The following CDH12 variants were observed in gnomAD, a reference collection of about 807,000 sequenced individuals.
CDH12 encodes the protein cadherin-12.
CDH12 carries 41 observed loss-of-function variants against 74.1 expected under a neutral mutation model. The observed-to-expected ratio is 0.55, with a 90% CI of 0.43 to 0.72. CDH12 has a LOEUF of 0.72. Ranked by LOEUF, CDH12 falls within the 30% of genes least tolerant of loss-of-function variation. CDH12 has a pLI of 0.00. For missense variants in CDH12, 945 were observed against 977.2 expected (o/e 0.97, Z 0.44); for synonymous variants, 399 against 355.0 (o/e 1.12, Z -1.39).
intron 1 of CDH12, among the ~76,000 whole-genome samples, chr5:22,644,425 C>A (rs193229672): frequency 1.7e-3 from 257 of 152,080 alleles, no homozygotes; most frequent in African/African-American, 6.0e-3. Context: ...TTCTCTTAAG[C>A]CAAAGTTTAA....
chr5:22,418,831 C>G (rs1241721527), intron 2 of CDH12, among the ~76,000 whole-genome samples: 2 of 152,074 alleles, frequency 1.3e-5, no homozygotes. Context: ...TTGCATTGAG[C>G]TGAGATCACA....
intron 2 of CDH12, among the ~76,000 whole-genome samples, chr5:22,423,306 A>G (rs2126501173): frequency 6.6e-6 from 1 of 152,260 alleles, no homozygotes; most frequent in Admixed American, 6.5e-5. Flanking sequence ...AGCTATGCAA[A>G]TACTACTTCT....
chr5:21,878,820 GAGAAA>G (rs765910463), intron 6 of CDH12, among the ~76,000 whole-genome samples: 1,646 of 82,562 alleles, frequency 0.02, 23 homozygotes, highest in African/African-American at 0.051. Flanking sequence ...AAGAAAGAAA[GAGAAA>G]AGAAAAGAAA....
At chr5:22,830,353 A>G (rs942539802) in intron 1 of CDH12, among the ~76,000 whole-genome samples, 1 of 152,152 alleles carries the variant, frequency 6.6e-6, no homozygotes, top group African/African-American at 2.4e-5. Context: ...GTATGTATAC[A>G]TGTATATATA....
intron 4 of CDH12, among the ~76,000 whole-genome samples, chr5:22,180,088 A>C (rs1229413023): frequency 6.6e-6 from 1 of 152,196 alleles, no homozygotes; most frequent in Non-Finnish European, 1.5e-5. Context: ...TTATGAAGGA[A>C]CTTGGACATT....
chr5:21,755,355 T>G (rs1297633284), intron 14 of CDH12, among the ~76,000 whole-genome samples: 1 of 152,160 alleles, frequency 6.6e-6, no homozygotes, highest in East Asian at 1.9e-4. Context: ...TGGTGTTTAT[T>G]TTATGATGTT....
intron 3 of CDH12, among the ~76,000 whole-genome samples, chr5:22,299,001 A>G (rs1737748616): frequency 6.6e-6 from 1 of 152,188 alleles, no homozygotes; most frequent in Non-Finnish European, 1.5e-5. Context: ...CTGTTTTTAG[A>G]GGTAGGGATA....
chr5:22,823,975 G>A (rs962377095), intron 1 of CDH12, among the ~76,000 whole-genome samples: 1 of 151,966 alleles, frequency 6.6e-6, no homozygotes, highest in African/African-American at 2.4e-5. Context: ...TAACCCAAAG[G>A]TGACATAAAT....
At chr5:21,913,323 A>G (rs1753945272) in intron 6 of CDH12, among the ~76,000 whole-genome samples, 1 of 152,194 alleles carries the variant, frequency 6.6e-6, no homozygotes, top group Non-Finnish European at 1.5e-5. Flanking sequence ...AGCCATTACA[A>G]TAATCATCAC....
intron 2 of CDH12, among the ~76,000 whole-genome samples, chr5:22,441,636 C>T (rs952690435): frequency 2.0e-5 from 3 of 152,038 alleles, no homozygotes; most frequent in Non-Finnish European, 4.4e-5. Context: ...TACTTTTCTT[C>T]GTTTACTACA....
Position 22,009,839 on chromosome 5 carries a change from G to A in CDH12, c.232-34454C>T, listed in dbSNP as rs572382433. 1.9e-3 allele frequency among the ~76,000 whole-genome samples: 288 copies of A among 150,426 alleles called. 3 individuals carry two copies. The highest frequency in any genetic ancestry group is 6.6e-3 in the African/African-American group (270 of 40,912). ...CTAAAAATGCAAAAATTAGCTGAGC[G>A]TGGTGGCGGTTGCCTGTAATTCCAG... On this transcript the variant is annotated intron_variant, in intron 5 of 14. Coordinates refer to ENST00000382254, the MANE Select transcript of CDH12 (RefSeq NM_004061.5).
chr5:22,582,186 T>A (rs1740141960), intron 1 of CDH12, among the ~76,000 whole-genome samples: 1 of 152,192 alleles, frequency 6.6e-6, no homozygotes, highest in Non-Finnish European at 1.5e-5. Flanking sequence ...TCAGTGTTGA[T>A]GTTTTATATT....
intron 1 of CDH12, among the ~76,000 whole-genome samples, chr5:22,725,042 T>A (rs1283314051): frequency 7.2e-5 from 11 of 151,800 alleles, no homozygotes; most frequent in Admixed American, 1.3e-4. Context: ...AGGTGATTCT[T>A]ATAGACTTTA....
At chr5:22,375,173 C>T (rs572542979) in intron 3 of CDH12, among the ~76,000 whole-genome samples, 28 of 152,004 alleles carry the variant, frequency 1.8e-4, no homozygotes, top group Admixed American at 3.3e-4. Flanking sequence ...TGATTTTTGA[C>T]AAATATGCCA....
chr5:22,501,694 CACATGA>C (rs1181175110), intron 2 of CDH12, among the ~76,000 whole-genome samples: 2 of 150,338 alleles, frequency 1.3e-5, no homozygotes, highest in African/African-American at 4.9e-5. Flanking sequence ...CAGGGAATAT[CACATGA>C]ACAAAATTTA....
chr5:22,177,934 C>T (rs187789924), intron 4 of CDH12, among the ~76,000 whole-genome samples: 281 of 152,284 alleles, frequency 1.8e-3, no homozygotes, highest in Middle Eastern at 6.8e-3. Flanking sequence ...CATAAAATAA[C>T]ATTTTACTAT....
intron 1 of CDH12, among the ~76,000 whole-genome samples, chr5:22,848,987 A>T (rs906805111): frequency 7.0e-6 from 1 of 142,976 alleles, no homozygotes; most frequent in Non-Finnish European, 1.6e-5. Context: ...TCATCAAAAA[A>T]TGTTTTTTTT....
At chr5:22,015,490 AT>A (rs1391421827) in intron 5 of CDH12, among the ~76,000 whole-genome samples, 13 of 152,136 alleles carry the variant, frequency 8.5e-5, no homozygotes, top group Non-Finnish European at 1.8e-4. Context: ...TCCAAAAATC[AT>A]TTTCATCAAT....
chr5:22,425,153 G>GTGTGTATA (rs1554039869), intron 2 of CDH12, among the ~76,000 whole-genome samples: 1 of 87,990 alleles, frequency 1.1e-5, no homozygotes, highest in African/African-American at 3.9e-5. Flanking sequence ...ATGTGTGTGT[G>GTGTGTATA]TATATATATA....
Sources: gnomAD v4.1 joint callset for allele counts (sites outside exome capture counted in the v4.1 genomes callset) on GRCh38, gnomAD v4.1.1 for gene constraint, MANE v1.5 for transcripts, NCBI Gene and HGNC (gene_info 2026-07-23, HGNC 2026-07-21) for gene names.